ADAM7: variants seen among roughly 807,000 people sequenced by gnomAD.
ADAM7 encodes disintegrin and metalloproteinase domain-containing protein 7.
Under a neutral mutation model 102.9 loss-of-function variants are expected in ADAM7, and 97 were observed. That is an observed-to-expected ratio of 0.94 (90% confidence interval 0.80 to 1.12). The LOEUF is 1.12. Ranked by LOEUF, ADAM7 falls within the 50% of genes most tolerant of loss-of-function variation. The pLI is 0.00. For missense variants in ADAM7, 991 were observed against 908.7 expected (o/e 1.09, Z -1.16); for synonymous variants, 334 against 304.4 (o/e 1.10, Z -1.01).
intron 20 of ADAM7, among the ~76,000 whole-genome samples, chr8:24,503,219 A>C (rs1820823059): frequency 6.6e-6 from 1 of 152,074 alleles, no homozygotes; most frequent in South Asian, 2.1e-4. Flanking sequence ...TAGGAATGTA[A>C]GCAATATATG....
chr8:24,492,295 C>T, intron 14 of ADAM7, 197 bp downstream of exon 14: 2 of 679,364 alleles, frequency 2.9e-6, no homozygotes, highest in Admixed American at 3.1e-5. Context: ...AGTATATGAG[C>T]TATGTATATT....
chr8:24,466,230 G>C (rs1418818430), intron 5 of ADAM7, among the ~76,000 whole-genome samples: 1 of 152,132 alleles, frequency 6.6e-6, no homozygotes, highest in Non-Finnish European at 1.5e-5. Flanking sequence ...GCAGCCTCTT[G>C]AAAGTAAAAA....
At chr8:24,477,018 G>T (rs1342927935) in intron 8 of ADAM7, among the ~76,000 whole-genome samples, 1 of 152,030 alleles carries the variant, frequency 6.6e-6, no homozygotes, top group Non-Finnish European at 1.5e-5. Flanking sequence ...AGACACCTCA[G>T]CCCTATTACT....
At chr8:24,488,776 T>C (rs1227954712) in intron 11 of ADAM7, among the ~76,000 whole-genome samples, 1 of 152,198 alleles carries the variant, frequency 6.6e-6, no homozygotes, top group East Asian at 1.9e-4. Flanking sequence ...AACTAATGTT[T>C]ATTTTTTTAA....
intron 3 of ADAM7, among the ~76,000 whole-genome samples, chr8:24,449,975 T>C (rs1490047920): frequency 6.6e-6 from 1 of 152,206 alleles, no homozygotes; most frequent in African/African-American, 2.4e-5. Flanking sequence ...TGTGGCCTTA[T>C]TTCTGAGGGC....
chr8:24,470,811 T>C (rs187172257), intron 7 of ADAM7, among the ~76,000 whole-genome samples: 19 of 152,360 alleles, frequency 1.2e-4, no homozygotes, highest in East Asian at 9.6e-4. Context: ...TACTGGTTTA[T>C]GTATTCACTA....
chr8:24,493,066 A>C lies in ADAM7; in HGVS notation c.1679A>C (p.Tyr560Ser), dbSNP rs749974238. ...EEKDVRCGKIYCTGGELSSLL... is the reference protein window; with the variant it reads ...EEKDVRCGKISCTGGELSSLL... ...AGAGATGTCAGATGTGGAAAGATCTACTGCACTGGAGGGGAGCTTTCCTCT... is the reference window on the plus strand; with the variant it reads ...AGAGATGTCAGATGTGGAAAGATCTCCTGCACTGGAGGGGAGCTTTCCTCT... The change falls in exon 16 of 22, where the codon TAC (tyrosine) becomes TCC (serine). Residue 560 changes from tyrosine to serine, a missense_variant. Tyr to Ser is a moderately radical substitution (Grantham distance 144). Transcript: ENST00000175238. 3 of 1,599,020 alleles carry C rather than the reference A, an allele frequency of 1.9e-6. No homozygotes were observed. The Middle Eastern group carries it at 5.0e-4, about 268-fold the overall frequency.
chr8:24,477,958 T>G (rs1819823832), intron 8 of ADAM7, among the ~76,000 whole-genome samples: 1 of 152,158 alleles, frequency 6.6e-6, no homozygotes, highest in Non-Finnish European at 1.5e-5. Flanking sequence ...CACTCTCTCT[T>G]ATAGTTTCCA....
At chr8:24,476,036 G>C (rs1356372128) in intron 7 of ADAM7, 3 of 445,762 alleles carry the variant, frequency 6.7e-6, no homozygotes, top group Non-Finnish European at 1.3e-5. Context: ...GACACAGAAG[G>C]ACTAATAAAG....
rs376610467 is a variant in ADAM7, at chr8:24,447,219, A to C, written c.190A>C (p.Lys64Gln). The change falls in exon 3 of 22, where the codon AAA (lysine) becomes CAA (glutamine). Residue 64 changes from lysine to glutamine, a missense_variant. Transcript: ENST00000175238. ...TGAAGAAGAATTGTTGTATGAAATA[A>C]AACTAAATAGAAAAACCTTAGTCCT... ...TYEEELLYEI[K>Q]LNRKTLVLHL... 1 of 1,556,076 alleles carries C rather than the reference A, an allele frequency of 6.4e-7. No individual in the cohort carries two copies. Among genetic ancestry groups the C allele is most frequent in the Non-Finnish European group, 8.8e-7 (1 of 1,139,508 alleles).
intron 21 of ADAM7, 92 bp downstream of exon 21, chr8:24,507,627 G>T: frequency 9.2e-7 from 1 of 1,082,580 alleles, no homozygotes; most frequent in South Asian, 1.3e-5. Context: ...ATTTACTGGG[G>T]ACATCCTCTG....
chr8:24,459,610 C>A (rs1819167793), intron 3 of ADAM7, among the ~76,000 whole-genome samples: 1 of 152,044 alleles, frequency 6.6e-6, no homozygotes, highest in African/African-American at 2.4e-5. Context: ...CATGTGCCAC[C>A]ATGCCTGGCT....
chr8:24,458,997 T>C (rs1029328255), intron 3 of ADAM7, among the ~76,000 whole-genome samples: 2 of 151,956 alleles, frequency 1.3e-5, no homozygotes, highest in Non-Finnish European at 2.9e-5. Flanking sequence ...GTGTTTTTAG[T>C]TTTTGCAATA....
chr8:24,463,054 C>T (rs539279143), intron 3 of ADAM7, among the ~76,000 whole-genome samples: 104 of 152,184 alleles, frequency 6.8e-4, no homozygotes, highest in African/African-American at 2.1e-3. Flanking sequence ...AATATAGCCT[C>T]GAATGCTTAT....
intron 3 of ADAM7, among the ~76,000 whole-genome samples, chr8:24,451,918 A>G (rs1412683543): frequency 6.6e-6 from 1 of 151,052 alleles, no homozygotes; most frequent in Non-Finnish European, 1.5e-5. Context: ...CCCAGTAGTC[A>G]TTCAGGAGCA....
chr8:24,447,910 G>T (rs575727799), intron 3 of ADAM7, among the ~76,000 whole-genome samples: 1 of 147,038 alleles, frequency 6.8e-6, no homozygotes, highest in African/African-American at 2.5e-5. Flanking sequence ...TTGAGACTTT[G>T]GTCTATTAGC....
intron 17 of ADAM7, 95 bp from the exon 18 acceptor site, chr8:24,500,083 T>C (rs1172045087): frequency 2.0e-5 from 21 of 1,041,338 alleles, no homozygotes; most frequent in Non-Finnish European, 2.7e-5. Context: ...CTTGTGTGCA[T>C]GTATGTTTGA....
intron 3 of ADAM7, among the ~76,000 whole-genome samples, chr8:24,461,904 T>G (rs1377212341): frequency 1.3e-5 from 2 of 152,258 alleles, no homozygotes; most frequent in Non-Finnish European, 2.9e-5. Context: ...TCTTTTACTT[T>G]GCTAAGCATA....
intron 8 of ADAM7, among the ~76,000 whole-genome samples, chr8:24,480,737 A>G (rs1458030831): frequency 6.6e-6 from 1 of 152,050 alleles, no homozygotes; most frequent in East Asian, 1.9e-4. Flanking sequence ...AAAGTTTACC[A>G]TACATTAAGA....
Sources: allele counts gnomAD v4.1 joint callset (sites outside exome capture counted in the v4.1 genomes callset), GRCh38; gene constraint gnomAD v4.1.1; transcripts MANE v1.5; gene names NCBI Gene and HGNC (gene_info 2026-07-23, HGNC 2026-07-21).